ZFYVE9: variants seen among roughly 807,000 people sequenced by gnomAD.
ZFYVE9 encodes the protein zinc finger FYVE-type containing 9.
A neutral mutation model predicts 126.7 loss-of-function variants in ZFYVE9; 43 were observed. The ratio of observed to expected loss-of-function variants is 0.34; its 90% CI spans 0.27 to 0.44. The LOEUF (loss-of-function observed/expected upper bound fraction) is 0.44. ZFYVE9 is among the 20% of genes least tolerant of loss of function. ZFYVE9 has a pLI of 1.00. For missense variants in ZFYVE9, 1,476 were observed against 1,697.0 expected (o/e 0.87, Z 2.29); for synonymous variants, 521 against 597.4 (o/e 0.87, Z 1.87).
chr1:52,235,323 A>G (rs1390670799), intron 3 of ZFYVE9, among the ~76,000 whole-genome samples: 1 of 152,188 alleles, frequency 6.6e-6, no homozygotes, highest in Non-Finnish European at 1.5e-5. Context: ...ACAGACTGTG[A>G]TGACACTGGG....
intron 1 of ZFYVE9, among the ~76,000 whole-genome samples, chr1:52,175,195 G>C (rs1445590557): frequency 1.3e-5 from 2 of 151,388 alleles, no homozygotes; most frequent in African/African-American, 4.9e-5. Flanking sequence ...TTTAGGGCAG[G>C]CCTGGTGGTG....
intron 8 of ZFYVE9, 43 bp downstream of exon 8, chr1:52,274,627 A>G (rs1266222519): frequency 1.3e-6 from 2 of 1,529,128 alleles, no homozygotes; most frequent in Non-Finnish European, 1.8e-6. Flanking sequence ...TCTATCTGCC[A>G]AATGTTACCT....
At chr1:52,258,508 C>T (rs1645545407) in intron 4 of ZFYVE9, among the ~76,000 whole-genome samples, 2 of 148,148 alleles carry the variant, frequency 1.3e-5, no homozygotes, top group Admixed American at 6.7e-5. Context: ...AACTGGCCCA[C>T]CTAAAATGCC....
chr1:52,283,705 G>A (rs923981562), intron 10 of ZFYVE9, among the ~76,000 whole-genome samples: 1 of 152,128 alleles, frequency 6.6e-6, no homozygotes, highest in African/African-American at 2.4e-5. Context: ...AAAGTGAGGT[G>A]GGGGTGCAGG....
intron 7 of ZFYVE9, among the ~76,000 whole-genome samples, chr1:52,272,092 C>T (rs1645698420): frequency 6.6e-6 from 1 of 152,146 alleles, no homozygotes; most frequent in South Asian, 2.1e-4. Flanking sequence ...CCCTCCTTGG[C>T]CTCTCAAAGT....
chr1:52,169,790 A>T (rs1465303006), intron 1 of ZFYVE9, among the ~76,000 whole-genome samples: 1 of 152,188 alleles, frequency 6.6e-6, no homozygotes, highest in Non-Finnish European at 1.5e-5. Flanking sequence ...ATTATGTTGT[A>T]ATGAGATTTG....
intron 2 of ZFYVE9, among the ~76,000 whole-genome samples, chr1:52,219,747 T>TGTGTGTGTGTGTGTG (rs1557463590): frequency 8.0e-6 from 1 of 124,844 alleles, no homozygotes; most frequent in African/African-American, 3.2e-5. Context: ...GGCCAAGATC[T>TGTGTGTGTGTGTGTG]TTTGTGTGTG....
chr1:52,160,897 T>C (rs1319023990), intron 1 of ZFYVE9, among the ~76,000 whole-genome samples: 2 of 152,364 alleles, frequency 1.3e-5, no homozygotes, highest in South Asian at 4.1e-4. Context: ...AAATGAACCA[T>C]GCAGTTGATC....
chr1:52,287,696 C>CAA (rs562577492), intron 10 of ZFYVE9, among the ~76,000 whole-genome samples: 4,530 of 112,826 alleles, frequency 0.04, 248 homozygotes, highest in African/African-American at 0.13. Flanking sequence ...CTATCTGTAC[C>CAA]AAAAAAAAAA....
chr1:52,194,776 A>G (rs1434066337), intron 1 of ZFYVE9, among the ~76,000 whole-genome samples: 1 of 152,190 alleles, frequency 6.6e-6, no homozygotes, highest in Non-Finnish European at 1.5e-5. Flanking sequence ...AAGGATATTC[A>G]TTATATTGTT....
intron 1 of ZFYVE9, among the ~76,000 whole-genome samples, chr1:52,185,901 AGAGT>A (rs1300209380): frequency 1.4e-5 from 2 of 146,822 alleles, no homozygotes; most frequent in Non-Finnish European, 3.0e-5. Context: ...GCCTGGGGAC[AGAGT>A]GAGACTCCGT....
At chr1:52,236,023 GT>G (rs1235061614) in intron 3 of ZFYVE9, among the ~76,000 whole-genome samples, 1 of 152,076 alleles carries the variant, frequency 6.6e-6, no homozygotes, top group Non-Finnish European at 1.5e-5. Context: ...TATACAGTGA[GT>G]TGTTTTGCTT....
intron 1 of ZFYVE9, among the ~76,000 whole-genome samples, chr1:52,158,631 G>T (rs1468231527): frequency 1.3e-5 from 2 of 152,102 alleles, no homozygotes; most frequent in African/African-American, 4.8e-5. Context: ...GTGGTCTGTA[G>T]CCATCCTGAG....
At chr1:52,184,351 CAAGTAGCTGGGA>C (rs1356425943) in intron 1 of ZFYVE9, among the ~76,000 whole-genome samples, 3 of 148,320 alleles carry the variant, frequency 2.0e-5, no homozygotes, top group Non-Finnish European at 4.5e-5. Context: ...CTCAGCCTCC[CAAGTAGCTGGGA>C]GTACAGGCGC....
At chr1:52,198,618 C>A (rs1644892908) in intron 1 of ZFYVE9, among the ~76,000 whole-genome samples, 1 of 152,084 alleles carries the variant, frequency 6.6e-6, no homozygotes, top group South Asian at 2.1e-4. Context: ...GTGAACCTAC[C>A]AATTTGGCTA....
Position 52,281,605 on chromosome 1 carries a change from T to A in ZFYVE9, c.2870-56T>A, listed in dbSNP as rs185311615. The A allele has an allele frequency of 2.5e-6, 4 of 1,582,910 alleles. No individual in the cohort carries two copies. In the African/African-American group the frequency reaches 5.4e-5, roughly 21 times the overall value. On this transcript the variant is annotated intron_variant, in intron 9 of 18. Coordinates refer to ENST00000287727, the MANE Select transcript of ZFYVE9 (RefSeq NM_004799.4). ...ACACAGATTTCTGTGCATCTTTTTT[T>A]AAGAGTAAGGATTGATAGGAATGTC... is the stretch of plus-strand genomic sequence containing the variant.
chr1:52,289,819 T>C (rs1456988636), intron 10 of ZFYVE9, among the ~76,000 whole-genome samples: 1 of 152,156 alleles, frequency 6.6e-6, no homozygotes, highest in African/African-American at 2.4e-5. Flanking sequence ...AAGATATATT[T>C]TATAATGAGA....
intron 12 of ZFYVE9, 91 bp from the exon 13 acceptor site, chr1:52,303,729 AC>A: frequency 1.4e-6 from 1 of 725,176 alleles, no homozygotes; most frequent in Non-Finnish European, 2.1e-6. Context: ...TTCAATATTG[AC>A]ATTTTTTCCA....
At chr1:52,151,012 T>C (rs2124495160) in intron 1 of ZFYVE9, among the ~76,000 whole-genome samples, 1 of 150,232 alleles carries the variant, frequency 6.7e-6, no homozygotes, top group African/African-American at 2.5e-5. Flanking sequence ...TTTTTAGTAG[T>C]AGTAGCCGAG....
Sources: allele counts gnomAD v4.1 joint callset (sites outside exome capture counted in the v4.1 genomes callset), GRCh38; gene constraint gnomAD v4.1.1; transcripts MANE v1.5; gene names NCBI Gene and HGNC (gene_info 2026-07-23, HGNC 2026-07-21).